Variants in FAM171A2 observed in about 807,000 individuals in gnomAD.
The protein encoded by FAM171A2 is family with sequence similarity 171 member A2.
A neutral mutation model predicts 34.2 loss-of-function variants in FAM171A2; 13 were observed. That is an observed-to-expected ratio of 0.38 (90% CI 0.25 to 0.60). The LOEUF (loss-of-function observed/expected upper bound fraction) is 0.60, where lower values mean the gene tolerates loss of function less well. FAM171A2 is among the 20% of genes least tolerant of loss of function. The pLI, the probability that FAM171A2 is intolerant of heterozygous loss-of-function variation, is 0.62. For synonymous variants in FAM171A2, 475 were observed against 561.2 expected (o/e 0.85, Z 2.17); for missense variants, 950 against 1,180.7 (o/e 0.80, Z 2.86).
Position 44,354,195 on chromosome 17 carries a change from C to A in FAM171A2, c.2019G>T (p.Leu673=). 2 of 1,387,922 alleles carry A rather than the reference C, an allele frequency of 1.4e-6. No homozygotes were observed. Among genetic ancestry groups the A allele is most frequent in the Non-Finnish European group, 1.9e-6 (2 of 1,059,628 alleles). 86.0% of individuals were successfully genotyped at this position (1,387,922 alleles called of 1,614,324 possible). A position where few individuals can be genotyped will look rare whatever the true frequency, so the allele number is the denominator to read the frequency against. ...NSQVRHSYID[L]QAGGGARSTD... ...TGCTGCGTGCCCCGCCGCCCGCCTG[C>A]AGGTCGATGTAAGAGTGGCGCACTT... is the stretch of plus-strand genomic sequence containing the variant. Residue 673 remains leucine (L), a synonymous_variant, in exon 8 of 8, where the codon CTG becomes CTT. Coordinates refer to ENST00000293443, the MANE Select transcript of FAM171A2 (RefSeq NM_198475.3). This position sits in a 1 kb window ranked among gnomAD's most constrained non-coding sequence, Gnocchi z 5.8.
At position 44,355,887 on chromosome 17, in the gene FAM171A2, G is replaced by A. The variant is rs767215942; in HGVS notation, c.896-46C>T. On this transcript the variant is annotated intron_variant, in intron 6 of 7. Transcript: ENST00000293443. The surrounding 1 kb of genome is among the most constrained non-coding windows in gnomAD (Gnocchi z 4.1). ...GCGTTCAGGTGTAGACACCCTTCCT[G>A]CCTTTCAGAAGTCTGCTCTCCCAGC... 1.3e-6 allele frequency: 2 copies of A among 1,549,700 alleles called. No individual in the cohort carries two copies. The highest frequency in any genetic ancestry group is 1.7e-6 in the Non-Finnish European group (2 of 1,145,660).
rs1396870823 is a variant in FAM171A2, at chr17:44,354,888, C to T, written c.1326G>A (p.Lys442=). The T allele has an allele frequency of 2.9e-6, 4 of 1,375,904 alleles. No individual in the cohort carries two copies. Among genetic ancestry groups the T allele is most frequent in the Admixed American group, 3.7e-5 (1 of 27,260 alleles). The allele number at this position is 1,375,904 out of a possible 1,614,324, so 85.2% of individuals were successfully genotyped here. The change falls in exon 8 of 8, where the codon AAG becomes AAA. Residue 442 remains lysine, a synonymous_variant. Coordinates refer to ENST00000293443, the MANE Select transcript of FAM171A2 (RefSeq NM_198475.3). The surrounding 1 kb of genome is among the most constrained non-coding windows in gnomAD (Gnocchi z 5.8). ...GARGGESAGL[K]GARSAEGPGG... is the part of the protein sequence containing the mutation. ...CGGGGCCCTCGGCCGAGCGAGCGCC[C>T]TTGAGCCCGGCGCTCTCGCCCCCGC...
intron 1 of FAM171A2, among the ~76,000 whole-genome samples, chr17:44,363,119 T>TC (rs552284131): frequency 7.3e-6 from 1 of 136,370 alleles, no homozygotes; most frequent in Non-Finnish European, 1.6e-5. Flanking sequence ...CCTTCTCCCC[T>TC]CCCCCCTTCA....
intron 1 of FAM171A2, 21 bp from the exon 2 acceptor site, chr17:44,360,153 A>G: frequency 1.3e-6 from 2 of 1,541,980 alleles, no homozygotes; most frequent in Non-Finnish European, 1.8e-6. Context: ...GATGGGGCAA[A>G]GGGAGTGAGG....
In FAM171A2 at chr17:44,356,503, T is replaced by A. The variant is rs1183963484; in HGVS notation, c.525A>T (p.Ser175=). 1 of 1,550,518 alleles carries A rather than the reference T, an allele frequency of 6.4e-7. No individual in the cohort carries two copies. Among genetic ancestry groups the A allele is most frequent in the African/African-American group, 1.4e-5 (1 of 73,028 alleles). ...VSSTYSQLWA[S]LTPASTQQEM... ...CCTGCTGGGTGCTGGCAGGCGTAAG[T>A]GACGCCCAGAGCTGGCTGTAGGTGG... Residue 175 remains serine (S), a synonymous_variant, in exon 4 of 8, where the codon TCA becomes TCT. Transcript: ENST00000293443.
Position 44,354,881 on chromosome 17 carries a change from G to A in FAM171A2, c.1333C>T (p.Arg445Cys). The A allele has an allele frequency of 2.3e-6, 3 of 1,316,200 alleles. No homozygotes were observed. The highest frequency in any genetic ancestry group is 2.9e-6 in the Non-Finnish European group (3 of 1,036,512). 81.5% of individuals were successfully genotyped at this position (1,316,200 alleles called of 1,614,324 possible). Residue 445 changes from arginine to cysteine, a missense_variant, in exon 8 of 8, where the codon CGC (arginine) becomes TGC (cysteine). Coordinates refer to ENST00000293443, the MANE Select transcript of FAM171A2 (RefSeq NM_198475.3). This position sits in a 1 kb window ranked among gnomAD's most constrained non-coding sequence, Gnocchi z 5.8. The part of the protein sequence containing the change: ...GGESAGLKGA[R>C]SAEGPGGLEP... ...AGCCCGCCGGGGCCCTCGGCCGAGCGAGCGCCCTTGAGCCCGGCGCTCTCG... is the reference window on the plus strand; with the variant it reads ...AGCCCGCCGGGGCCCTCGGCCGAGCAAGCGCCCTTGAGCCCGGCGCTCTCG...
At chr17:44,357,730 C>CGTGTGTGTGTGTGTATGTGT (rs2048430730) in intron 3 of FAM171A2, among the ~76,000 whole-genome samples, 1 of 143,268 alleles carries the variant, frequency 7.0e-6, no homozygotes, top group African/African-American at 2.6e-5. Context: ...CAGTTTAGGT[C>CGTGTGTGTGTGTGTATGTGT]GTGTGTGTGT....
intron 1 of FAM171A2, among the ~76,000 whole-genome samples, 186 bp from the exon 2 acceptor site, chr17:44,360,318 G>C (rs1306748124): frequency 6.6e-6 from 1 of 152,234 alleles, no homozygotes; most frequent in Non-Finnish European, 1.5e-5. Flanking sequence ...CCATGCCGGA[G>C]GTGGGACTAT....
At position 44,355,198 on chromosome 17, in the gene FAM171A2, G is replaced by C; in HGVS notation, c.1023-7C>G. 2 of 1,550,400 alleles carry C rather than the reference G, an allele frequency of 1.3e-6. No individual in the cohort carries two copies. Among genetic ancestry groups the C allele is most frequent in the Non-Finnish European group, 1.7e-6 (2 of 1,146,748 alleles). On this transcript the variant is annotated splice_polypyrimidine_tract_variant and splice_region_variant and intron_variant, in intron 7 of 7. Coordinates refer to ENST00000293443, the MANE Select transcript of FAM171A2 (RefSeq NM_198475.3). The surrounding 1 kb of genome is among the most constrained non-coding windows in gnomAD (Gnocchi z 4.1). Reference sequence around the variant, plus strand: ...CGGCTTCAGGCAGCGCCTCCTGGAAGGGAGGGAGCAGAAGGGGCCGCTCAG... The same window carrying C: ...CGGCTTCAGGCAGCGCCTCCTGGAACGGAGGGAGCAGAAGGGGCCGCTCAG...
rs762085318 is a variant in FAM171A2 at position 44,355,635 on chromosome 17, C to T, written c.1022+80G>A. 1.3e-6 allele frequency: 2 copies of T among 1,528,830 alleles called. No individual in the cohort carries two copies. Among genetic ancestry groups the T allele is most frequent in the Non-Finnish European group, 1.8e-6 (2 of 1,131,398 alleles). 94.7% of individuals were successfully genotyped at this position (1,528,830 alleles called of 1,614,324 possible). On this transcript the variant is annotated intron_variant, in intron 7 of 7. Transcript: ENST00000293443. The surrounding 1 kb of genome is among the most constrained non-coding windows in gnomAD (Gnocchi z 4.1). ...CTTTTCCTGTCTGCCCCTTGAGGAC[C>T]AGAAGTGGATTTTATGCATCTTTGG...
At position 44,354,580 on chromosome 17, in the gene FAM171A2, T is replaced by C; in HGVS notation, c.1634A>G (p.His545Arg). ...NVMPTLVIPA[H>R]YVRLGGEAGA... ...CGCCTCGCCGCCGAGGCGCACGTAGTGCGCGGGGATCACCAGGGTGGGCAT... is the reference window on the plus strand; with the variant it reads ...CGCCTCGCCGCCGAGGCGCACGTAGCGCGCGGGGATCACCAGGGTGGGCAT... Residue 545 changes from histidine (H) to arginine (R), a missense_variant, in exon 8 of 8, where the codon CAC becomes CGC. His to Arg is a conservative substitution (Grantham distance 29). This residue lies in a region of FAM171A2 where 752 missense variants were observed against 924.5 expected (regional missense o/e 0.81). Coordinates refer to ENST00000293443, the MANE Select transcript of FAM171A2 (RefSeq NM_198475.3). The surrounding 1 kb of genome is among the most constrained non-coding windows in gnomAD (Gnocchi z 5.8). 1 of 1,224,782 alleles carries C rather than the reference T, an allele frequency of 8.2e-7. No individual in the cohort carries two copies. The allele number at this position is 1,224,782 out of a possible 1,614,324, so 75.9% of individuals were successfully genotyped here.
At chr17:44,357,625 C>T (rs1256281865) in intron 3 of FAM171A2, among the ~76,000 whole-genome samples, 3 of 151,680 alleles carry the variant, frequency 2.0e-5, no homozygotes, top group Middle Eastern at 3.4e-3. Context: ...CCAGCCTGGG[C>T]AACAGAGTGA....
chr17:44,356,157 C>T lies in FAM171A2; in HGVS notation c.778+16G>A. 6.5e-7 allele frequency: 1 copy of T among 1,537,084 alleles called. No homozygotes were observed. The highest frequency in any genetic ancestry group is 8.8e-7 in the Non-Finnish European group (1 of 1,136,678). ...TTCTCTCAACTCAAGCACCTGCAGCCCCCTGAGGCACTTACCACTCTTGGG... is the reference window on the plus strand; with the variant it reads ...TTCTCTCAACTCAAGCACCTGCAGCTCCCTGAGGCACTTACCACTCTTGGG... On this transcript the variant is annotated intron_variant, in intron 5 of 7. Coordinates refer to ENST00000293443, the MANE Select transcript of FAM171A2 (RefSeq NM_198475.3).
chr17:44,359,090 C>G (rs1051887550), intron 3 of FAM171A2: 1 of 159,262 alleles, frequency 6.3e-6, no homozygotes. Context: ...AGGCAAAGAG[C>G]GGGTCTTCTT....
intron 1 of FAM171A2, among the ~76,000 whole-genome samples, chr17:44,362,047 G>A (rs1245383571): frequency 6.6e-6 from 1 of 151,918 alleles, no homozygotes; most frequent in African/African-American, 2.4e-5. Context: ...GAGGGGGCTG[G>A]GGAAACAAAA....
chr17:44,353,925 C>T lies in FAM171A2; in HGVS notation c.2289G>A (p.Ala763=), dbSNP rs1276334201. 28 of 1,296,104 alleles carry T rather than the reference C, an allele frequency of 2.2e-5. No homozygotes were observed. In the African/African-American group the frequency reaches 3.8e-4, roughly 17 times the overall value. 80.3% of individuals were successfully genotyped at this position (1,296,104 alleles called of 1,614,324 possible). A position where few individuals can be genotyped will look rare whatever the true frequency, so the allele number is the denominator to read the frequency against. ...GGCCCCGCCCCCGGGGTACCGTGGC[C>T]GCCCGGCCCTCGGGCGCCGCCACCT... ...LDEVAAPEGR[A]ATVPRGRGRS... Residue 763 remains alanine (A), a synonymous_variant, in exon 8 of 8, where the codon GCG becomes GCA. Coordinates refer to ENST00000293443, the MANE Select transcript of FAM171A2 (RefSeq NM_198475.3).
At chr17:44,363,240 A>G (rs1263348985) in intron 1 of FAM171A2, among the ~76,000 whole-genome samples, 1 of 152,058 alleles carries the variant, frequency 6.6e-6, no homozygotes, top group Admixed American at 6.5e-5. Context: ...GCTGCGGAGC[A>G]GGCGCCCGCC....
intron 1 of FAM171A2, among the ~76,000 whole-genome samples, chr17:44,360,885 CCAAA>C (rs1270800617): frequency 1.3e-5 from 2 of 152,204 alleles, no homozygotes; most frequent in African/African-American, 4.8e-5. Context: ...AACCCCATGC[CCAAA>C]CAAATTACTT....
At chr17:44,363,131 A>G (rs1399060827) in intron 1 of FAM171A2, among the ~76,000 whole-genome samples, 5 of 150,138 alleles carry the variant, frequency 3.3e-5, no homozygotes, top group African/African-American at 1.2e-4. Flanking sequence ...CCCCCTTCAA[A>G]CCCAGCTCCA....
Sources: gnomAD v4.1 joint callset for allele counts (sites outside exome capture counted in the v4.1 genomes callset) on GRCh38, gnomAD v4.1.1 for gene constraint, gnomAD v4.1.1 regional missense constraint, Gnocchi (gnomAD v3.1) non-coding constraint, MANE v1.5 for transcripts, NCBI Gene and HGNC (gene_info 2026-07-23, HGNC 2026-07-21) for gene names.